The following SLITRK5 variants were observed in gnomAD, a reference collection of about 807,000 sequenced individuals.
SLITRK5 encodes the protein SLIT and NTRK-like protein 5.
SLITRK5 carries 23 observed loss-of-function variants against 56.2 expected under a neutral mutation model. The ratio of observed to expected loss-of-function variants is 0.41; its 90% CI spans 0.29 to 0.58. The LOEUF is 0.58. Among genes scored for constraint, SLITRK5 ranks in the 20% least tolerant of loss-of-function variants. The pLI is 0.30. For synonymous variants in SLITRK5, 637 were observed against 531.8 expected, an observed-to-expected ratio of 1.20 and a Z score of -2.72; for missense variants, 1,289 against 1,226.6, an observed-to-expected ratio of 1.05 and a Z score of -0.76.
Position 87,675,398 on chromosome 13 carries a change from T to A in SLITRK5, c.10T>A (p.Cys4Ser). Residue 4 changes from cysteine (C) to serine (S), a missense_variant, in exon 2 of 2, where the codon TGC (cysteine) becomes AGC (serine). Around this residue, in one of 3 missense-constraint regions of SLITRK5, gnomAD observed 291 missense variants for 286.7 expected, o/e 1.02. Transcript: ENST00000683689. MHT[C>S]CPPVTLEQDL... is the part of the protein sequence containing the mutation. ...CCTTACAGGAGGTAAAATGCACACT[T>A]GCTGCCCCCCAGTAACTTTGGAACA... The A allele has an allele frequency of 6.2e-7, 1 of 1,613,700 alleles. No homozygotes were observed. The highest frequency in any genetic ancestry group is 8.5e-7 in the Non-Finnish European group (1 of 1,179,594).
At chr13:87,674,358 T>A (rs1593971330) in intron 1 of SLITRK5, 1 of 983,824 alleles carries the variant, frequency 1.0e-6, no homozygotes, top group East Asian at 1.1e-4. Flanking sequence ...AGGTGGTAGT[T>A]CCGTGCAAAC....
Position 87,676,389 on chromosome 13 carries a change from C to A in SLITRK5, c.1001C>A (p.Thr334Asn). Reference sequence around the variant, plus strand: ...CCCCCTTTGAAGCCCCCTAAGGGGACTCGCCAACCCAACAAGCCCAGGGTG... The same window carrying A: ...CCCCCTTTGAAGCCCCCTAAGGGGAATCGCCAACCCAACAAGCCCAGGGTG... ...YKPPLKPPKG[T>N]RQPNKPRVRP... Residue 334 changes from threonine (T) to asparagine (N), a missense_variant, in exon 2 of 2, where the codon ACT becomes AAT. Physicochemically the swap from Thr to Asn is moderately conservative, Grantham distance 65. Coordinates refer to ENST00000683689, the MANE Select transcript of SLITRK5 (RefSeq NM_001384609.1). The A allele has an allele frequency of 1.2e-6, 2 of 1,614,116 alleles. 1 individual carries two copies. The highest frequency in any genetic ancestry group is 1.7e-6 in the Non-Finnish European group (2 of 1,180,014).
In SLITRK5 at chr13:87,677,622, C is replaced by T. The variant is rs569532797; in HGVS notation, c.2234C>T (p.Ala745Val). Residue 745 changes from alanine to valine, a missense_variant, in exon 2 of 2, where the codon GCG becomes GTG. This residue lies in a region of SLITRK5 where 985 missense variants were observed against 906.0 expected (regional missense o/e 1.09). Transcript: ENST00000683689. The surrounding 1 kb of genome is among the most constrained non-coding windows in gnomAD (Gnocchi z 4.7). ...GPALPKVKTP[A>V]GHVYEYIPHP... is the part of the protein sequence containing the mutation. ...GCGCTGCCCAAGGTGAAGACGCCCG[C>T]GGGCCACGTGTATGAATACATCCCC... 24 of 1,609,620 alleles carry T rather than the reference C, an allele frequency of 1.5e-5. No individual in the cohort carries two copies. In the Admixed American group the frequency reaches 3.0e-4, roughly 20 times the overall value.
rs1877021807 is a variant in SLITRK5, at chr13:87,671,518, C to T, written c.-700C>T. ...AGACCCGGTGTTGCTTACCGCGTTG[C>T]CACCTCCTCGGCGCCCGGGAGGAAG... On this transcript the variant is annotated 5_prime_UTR_variant, in exon 1 of 2. Transcript: ENST00000683689. 6.6e-6 allele frequency among the ~76,000 whole-genome samples: 1 copy of T among 152,070 alleles called. No individual in the cohort carries two copies. The highest frequency in any genetic ancestry group is 6.5e-5 in the Admixed American group (1 of 15,280).
rs1364796337 is a variant in SLITRK5, at chr13:87,679,098, G to A, written c.*833G>A. 4 of 166,740 alleles carry A rather than the reference G, an allele frequency of 2.4e-5. No homozygotes were observed. Among genetic ancestry groups the A allele is most frequent in the Admixed American group, 1.3e-4 (2 of 15,264 alleles). 10.3% of individuals were successfully genotyped at this position (166,740 alleles called of 1,614,324 possible). A position where few individuals can be genotyped will look rare whatever the true frequency, so the allele number is the denominator to read the frequency against. On this transcript the variant is annotated 3_prime_UTR_variant, in exon 2 of 2. Coordinates refer to ENST00000683689, the MANE Select transcript of SLITRK5 (RefSeq NM_001384609.1). ...TAGGATCTGCATTTCTAAAACTGAC[G>A]TGGTATCAGGAAGGCATTTTCAATC...
In SLITRK5 at chr13:87,675,829, T is replaced by C. The variant is rs767250663; in HGVS notation, c.441T>C (p.Asp147=). 1.2e-6 allele frequency: 2 copies of C among 1,614,156 alleles called. No individual in the cohort carries two copies. The highest frequency in any genetic ancestry group is 1.7e-5 in the Admixed American group (1 of 60,026). ...NNNKLELLRD[D]TFLGLENLEY... ...ATAAACTGGAACTTCTGCGAGATGATACCTTCCTTGGCTTGGAGAACCTGG... is the reference window on the plus strand; with the variant it reads ...ATAAACTGGAACTTCTGCGAGATGACACCTTCCTTGGCTTGGAGAACCTGG... The change falls in exon 2 of 2, where the codon GAT becomes GAC. Residue 147 remains aspartate (D), a synonymous_variant. Transcript: ENST00000683689.
Position 87,676,009 on chromosome 13 carries a change from C to T in SLITRK5, c.621C>T (p.Leu207=). The change falls in exon 2 of 2, where the codon CTC becomes CTT. Residue 207 remains leucine (L), a synonymous_variant. Transcript: ENST00000683689. ...FRFVPLTHLD[L]RGNRLKLLPY... ...TTGTGCCCTTAACGCACTTGGACCT[C>T]CGGGGGAACCGGCTGAAACTTCTGC... 6.2e-7 allele frequency: 1 copy of T among 1,614,148 alleles called. No homozygotes were observed. Among genetic ancestry groups the T allele is most frequent in the Non-Finnish European group, 8.5e-7 (1 of 1,180,040 alleles).
In SLITRK5 at chr13:87,675,620, C is replaced by T. The variant is rs1479493373; in HGVS notation, c.232C>T (p.Pro78Ser). The T allele has an allele frequency of 4.3e-6, 7 of 1,614,150 alleles. No homozygotes were observed. The highest frequency in any genetic ancestry group is 5.9e-6 in the Non-Finnish European group (7 of 1,180,032). Reference sequence around the variant, plus strand: ...GATCATCAGTCTCTCTGAAATTAGCCCTCCCCGTTTCCCAATCTACCACCT... The same window carrying T: ...GATCATCAGTCTCTCTGAAATTAGCTCTCCCCGTTTCCCAATCTACCACCT... ...RGIISLSEISPPRFPIYHLLL... is the reference protein window; with the variant it reads ...RGIISLSEISSPRFPIYHLLL... The change falls in exon 2 of 2, where the codon CCT becomes TCT. Residue 78 changes from proline to serine, a missense_variant. Physicochemically the swap from Pro to Ser is moderately conservative, Grantham distance 74 (BLOSUM62 -1). Transcript: ENST00000683689.
rs778978435 is a variant in SLITRK5 at position 87,677,506 on chromosome 13, C to T, written c.2118C>T (p.Asp706=). 1 of 1,611,890 alleles carries T rather than the reference C, an allele frequency of 6.2e-7. No individual in the cohort carries two copies. Among genetic ancestry groups the T allele is most frequent in the East Asian group, 2.2e-5 (1 of 44,836 alleles). ...QSDHTSTNNS[D]VSSFNMQYSV... ...ACCACACCAGCACCAACAACTCCGA[C>T]GTGAGCTCCTTTAACATGCAGTACA... Residue 706 remains aspartate, a synonymous_variant, in exon 2 of 2, where the codon GAC becomes GAT. Transcript: ENST00000683689. The surrounding 1 kb of genome is among the most constrained non-coding windows in gnomAD (Gnocchi z 4.7).
At chr13:87,673,987 T>TGC (rs200531694) in intron 1 of SLITRK5, among the ~76,000 whole-genome samples, 1 of 145,628 alleles carries the variant, frequency 6.9e-6, no homozygotes, top group Non-Finnish European at 1.5e-5. Flanking sequence ...CAACGCAGCA[T>TGC]GCGCGCGCGC....
At position 87,677,113 on chromosome 13, in the gene SLITRK5, G is replaced by A; in HGVS notation, c.1725G>A (p.Lys575=). ...WDCTCDIVGM[K]LWVEQLKVGV... Reference sequence around the variant, plus strand: ...GTACCTGTGACATTGTGGGCATGAAGCTGTGGGTGGAGCAGCTCAAAGTGG... The same window carrying A: ...GTACCTGTGACATTGTGGGCATGAAACTGTGGGTGGAGCAGCTCAAAGTGG... Residue 575 remains lysine, a synonymous_variant, in exon 2 of 2, where the codon AAG becomes AAA. Coordinates refer to ENST00000683689, the MANE Select transcript of SLITRK5 (RefSeq NM_001384609.1). The surrounding 1 kb of genome is among the most constrained non-coding windows in gnomAD (Gnocchi z 4.7). 1 of 1,614,188 alleles carries A rather than the reference G, an allele frequency of 6.2e-7. No individual in the cohort carries two copies.
Position 87,675,381 on chromosome 13 carries a change from G to A in SLITRK5, c.-8G>A. 1 of 1,610,652 alleles carries A rather than the reference G, an allele frequency of 6.2e-7. No individual in the cohort carries two copies. Among genetic ancestry groups the A allele is most frequent in the Non-Finnish European group, 8.5e-7 (1 of 1,177,072 alleles). On this transcript the variant is annotated splice_region_variant and 5_prime_UTR_variant, in exon 2 of 2. Coordinates refer to ENST00000683689, the MANE Select transcript of SLITRK5 (RefSeq NM_001384609.1). Reference sequence around the variant, plus strand: ...TCCTTGTTTTCTCTCTCCCTTACAGGAGGTAAAATGCACACTTGCTGCCCC... The same window carrying A: ...TCCTTGTTTTCTCTCTCCCTTACAGAAGGTAAAATGCACACTTGCTGCCCC...
chr13:87,677,313 G>C lies in SLITRK5; in HGVS notation c.1925G>C (p.Arg642Pro), dbSNP rs367714155. The C allele has an allele frequency of 1.2e-6, 2 of 1,614,112 alleles. No homozygotes were observed. The highest frequency in any genetic ancestry group is 1.3e-5 in the African/African-American group (1 of 75,074). Residue 642 changes from arginine to proline, a missense_variant, in exon 2 of 2, where the codon CGG becomes CCG. This residue lies in a region of SLITRK5 where 985 missense variants were observed against 906.0 expected (regional missense o/e 1.09). Transcript: ENST00000683689. The surrounding 1 kb of genome is among the most constrained non-coding windows in gnomAD (Gnocchi z 4.7). Reference protein sequence around the residue: ...ARTSAVTPAVRLNSTGAPASL... With the variant: ...ARTSAVTPAVPLNSTGAPASL... Reference sequence around the variant, plus strand: ...ACCAGCGCCGTGACTCCTGCGGTCCGGTTGAATAGCACCGGGGCCCCCGCG... The same window carrying C: ...ACCAGCGCCGTGACTCCTGCGGTCCCGTTGAATAGCACCGGGGCCCCCGCG...
In SLITRK5 at chr13:87,677,475, A is replaced by G; in HGVS notation, c.2087A>G (p.Gln696Arg). 1 of 1,612,178 alleles carries G rather than the reference A, an allele frequency of 6.2e-7. No homozygotes were observed. Among genetic ancestry groups the G allele is most frequent in the Non-Finnish European group, 8.5e-7 (1 of 1,179,984 alleles). Residue 696 changes from glutamine to arginine, a missense_variant, in exon 2 of 2, where the codon CAG (glutamine) becomes CGG (arginine). Physicochemically the swap from Gln to Arg is conservative, Grantham distance 43 (BLOSUM62 1). Coordinates refer to ENST00000683689, the MANE Select transcript of SLITRK5 (RefSeq NM_001384609.1). The surrounding 1 kb of genome is among the most constrained non-coding windows in gnomAD (Gnocchi z 4.7). ...VLVMKRRKKN[Q>R]SDHTSTNNSD... ...GTCATGAAGCGCAGGAAGAAGAACC[A>G]GAGCGACCACACCAGCACCAACAAC...
In SLITRK5 at chr13:87,676,296, C is replaced by T. The variant is rs113077003; in HGVS notation, c.908C>T (p.Thr303Met). 4.6e-5 allele frequency: 74 copies of T among 1,614,100 alleles called. 1 individual carries two copies. In the Middle Eastern group the frequency reaches 1.2e-3, roughly 25 times the overall value. The change falls in exon 2 of 2, where the codon ACG becomes ATG. Residue 303 changes from threonine to methionine, a missense_variant. Coordinates refer to ENST00000683689, the MANE Select transcript of SLITRK5 (RefSeq NM_001384609.1). ...EMRPQTPLSTTGYLHTTPASV... is the reference protein window; with the variant it reads ...EMRPQTPLSTMGYLHTTPASV... The stretch of plus-strand genomic sequence containing the variant: ...AGGCCGCAGACGCCTTTGAGCACCA[C>T]GGGGTATTTACACACCACCCCGGCG...
rs201798421 is a variant in SLITRK5, at chr13:87,672,123, C to G, written c.-95C>G. On this transcript the variant is annotated 5_prime_UTR_variant, in exon 1 of 2. Coordinates refer to ENST00000683689, the MANE Select transcript of SLITRK5 (RefSeq NM_001384609.1). ...AGGGCCGGCCGGCGCGAACCCAGGC[C>G]GGAGGGTGCGAGGAGCCAGAGGAGG... 8.5e-5 allele frequency among the ~76,000 whole-genome samples: 13 copies of G among 152,090 alleles called. No individual in the cohort carries two copies. The highest frequency in any genetic ancestry group is 2.6e-4 in the Admixed American group (4 of 15,284).
Position 87,671,861 on chromosome 13 carries a change from T to G in SLITRK5, c.-357T>G, listed in dbSNP as rs532540854. ...CCCAGCGCGGTGGTCGCCGCTGCGCTGGGGGGCGGAGGACAGCGCAGGAGC... is the reference window on the plus strand; with the variant it reads ...CCCAGCGCGGTGGTCGCCGCTGCGCGGGGGGGCGGAGGACAGCGCAGGAGC... On this transcript the variant is annotated 5_prime_UTR_variant, in exon 1 of 2. Transcript: ENST00000683689. Among the ~76,000 whole-genome samples the G allele has an allele frequency of 6.3e-4, 95 of 151,920 alleles. 1 individual carries two copies. Among genetic ancestry groups the G allele is most frequent in the African/African-American group, 2.2e-3 (92 of 41,460 alleles).
At position 87,676,364 on chromosome 13, in the gene SLITRK5, C is replaced by A. The variant is rs1473886214; in HGVS notation, c.976C>A (p.Pro326Thr). Reference protein sequence around the residue: ...VATSSSAVYKPPLKPPKGTRQ... With the variant: ...VATSSSAVYKTPLKPPKGTRQ... ...CACTTCTTCCTCTGCTGTTTACAAA[C>A]CCCCTTTGAAGCCCCCTAAGGGGAC... Residue 326 changes from proline (P) to threonine (T), a missense_variant, in exon 2 of 2, where the codon CCC becomes ACC. Transcript: ENST00000683689. 1.9e-6 allele frequency: 3 copies of A among 1,614,120 alleles called. No homozygotes were observed. Among genetic ancestry groups the A allele is most frequent in the African/African-American group, 1.3e-5 (1 of 75,024 alleles).
intron 1 of SLITRK5, among the ~76,000 whole-genome samples, chr13:87,673,197 C>T (rs958349243): frequency 1.3e-5 from 2 of 150,116 alleles, no homozygotes; most frequent in Non-Finnish European, 3.0e-5. Flanking sequence ...CCCCCGCCCT[C>T]CAGGAAAAAA....
Sources: gnomAD v4.1 joint callset for allele counts (sites outside exome capture counted in the v4.1 genomes callset) on GRCh38, gnomAD v4.1.1 for gene constraint, gnomAD v4.1.1 regional missense constraint, Gnocchi (gnomAD v3.1) non-coding constraint, MANE v1.5 for transcripts, NCBI Gene and HGNC (gene_info 2026-07-23, HGNC 2026-07-21) for gene names.